CDH20: variants seen among roughly 807,000 people sequenced by gnomAD.
CDH20 encodes the protein cadherin 20.
Under a neutral mutation model 74.2 loss-of-function variants are expected in CDH20, and 29 were observed. The ratio of observed to expected loss-of-function variants is 0.39; its 90% confidence interval spans 0.29 to 0.53. The LOEUF is 0.53. CDH20 is among the 20% of genes least tolerant of loss of function. CDH20 has a pLI of 0.69. For synonymous variants in CDH20, 469 were observed against 405.4 expected, an observed-to-expected ratio of 1.16 and a Z score of -1.88; for missense variants, 988 against 1,048.3, an observed-to-expected ratio of 0.94 and a Z score of 0.79.
intron 1 of CDH20, among the ~76,000 whole-genome samples, chr18:61,342,966 C>T (rs1235146238): frequency 1.3e-5 from 2 of 152,118 alleles, no homozygotes; most frequent in East Asian, 3.9e-4. Context: ...CAGGGGATTG[C>T]CATGTTTATA....
At chr18:61,441,757 C>T (rs184525198) in intron 1 of CDH20, among the ~76,000 whole-genome samples, 2 of 152,174 alleles carry the variant, frequency 1.3e-5, no homozygotes, top group East Asian at 3.9e-4. Context: ...AGTAAAGGTT[C>T]TTTTTCATTT....
rs1449356386 is a variant in CDH20 at position 61,538,608 on chromosome 18, G to GTTTTTTTTTTTTTTTTTTTTTT, written c.1409-411_1409-410insTTTTTTTTTTTTTTTTTTTTTT. 1.6e-3 allele frequency among the ~76,000 whole-genome samples: 59 copies of GTTTTTTTTTTTTTTTTTTTTTT among 36,322 alleles called. 8 individuals are homozygous for GTTTTTTTTTTTTTTTTTTTTTT. The highest frequency in any genetic ancestry group is 2.8e-3 in the Non-Finnish European group (46 of 16,560). 23.8% of individuals were successfully genotyped at this position (36,322 alleles called of 152,430 possible). On this transcript the variant is annotated intron_variant, in intron 8 of 11. Transcript: ENST00000262717. The stretch of plus-strand genomic sequence containing the variant: ...TGTTTGTTTGTTTGTTTTTGTTTTT[G>GTTTTTTTTTTTTTTTTTTTTTT]TTTTTGTTTTTGTTTTGTTTTTTTT...
intron 1 of CDH20, among the ~76,000 whole-genome samples, chr18:61,457,796 G>C (rs902976279): frequency 6.6e-6 from 1 of 152,070 alleles, no homozygotes; most frequent in African/African-American, 2.4e-5. Flanking sequence ...TTAAAACAGA[G>C]AAAGCTGAGA....
At chr18:61,475,885 G>T (rs1261513234) in intron 1 of CDH20, among the ~76,000 whole-genome samples, 1 of 152,128 alleles carries the variant, frequency 6.6e-6, no homozygotes, top group Non-Finnish European at 1.5e-5. Flanking sequence ...GACTAAACTT[G>T]TTCTGTTTTT....
Position 61,507,456 on chromosome 18 carries a change from A to G in CDH20, c.913A>G (p.Ile305Val), listed in dbSNP as rs370667089. ...RVFAKDLDEG[I>V]NAEMKYTIVD... Reference sequence around the variant, plus strand: ...GTTTGCCAAGGACTTGGATGAAGGCATCAATGCAGAGATGAAATATACTAT... The same window carrying G: ...GTTTGCCAAGGACTTGGATGAAGGCGTCAATGCAGAGATGAAATATACTAT... Residue 305 changes from isoleucine to valine, a missense_variant, in exon 6 of 12, where the codon ATC becomes GTC. Coordinates refer to ENST00000262717, the MANE Select transcript of CDH20 (RefSeq NM_031891.4). 1.5e-5 allele frequency: 24 copies of G among 1,613,984 alleles called. No individual in the cohort carries two copies. The African/African-American group carries it at 3.1e-4, about 21-fold the overall frequency.
chr18:61,509,731 A>G (rs560010), intron 6 of CDH20, among the ~76,000 whole-genome samples: 150,570 of 152,270 alleles, frequency 0.99, 74,469 homozygotes, highest in Middle Eastern at 1. Flanking sequence ...TTTAAGGAGA[A>G]AAGGACAGAA....
intron 1 of CDH20, among the ~76,000 whole-genome samples, chr18:61,469,236 T>C (rs1910072958): frequency 6.6e-6 from 1 of 152,122 alleles, no homozygotes; most frequent in South Asian, 2.1e-4. Flanking sequence ...TTGCTCTGGC[T>C]GGTTATTTCC....
intron 1 of CDH20, among the ~76,000 whole-genome samples, chr18:61,467,223 CAT>C (rs1354352015): frequency 2.6e-5 from 4 of 152,130 alleles, no homozygotes; most frequent in Admixed American, 1.3e-4. Flanking sequence ...TCATTAGAAT[CAT>C]GTGCAAATTG....
At chr18:61,426,820 G>A (rs1312182871) in intron 1 of CDH20, among the ~76,000 whole-genome samples, 1 of 152,214 alleles carries the variant, frequency 6.6e-6, no homozygotes, top group Non-Finnish European at 1.5e-5. Flanking sequence ...TTGTTAAGCA[G>A]CAGAGCCTGT....
chr18:61,550,543 C>T (rs143169335), intron 11 of CDH20, among the ~76,000 whole-genome samples: 5 of 152,326 alleles, frequency 3.3e-5, no homozygotes, highest in Admixed American at 3.3e-4. Context: ...AAAGCAGGTT[C>T]ATTTTGACAT....
chr18:61,460,385 G>C (rs1215057243), intron 1 of CDH20, among the ~76,000 whole-genome samples: 3 of 152,150 alleles, frequency 2.0e-5, no homozygotes, highest in African/African-American at 7.2e-5. Flanking sequence ...CAGACTTTAT[G>C]ATAAATTTCA....
At chr18:61,462,727 G>C (rs1268287146) in intron 1 of CDH20, among the ~76,000 whole-genome samples, 8 of 143,592 alleles carry the variant, frequency 5.6e-5, no homozygotes, top group South Asian at 2.3e-4. Context: ...AAAAAAAAGG[G>C]GGGGGGGGCA....
intron 4 of CDH20, among the ~76,000 whole-genome samples, 168 bp downstream of exon 4, chr18:61,500,670 G>A (rs986007585): frequency 1.3e-5 from 2 of 152,164 alleles, no homozygotes; most frequent in African/African-American, 4.8e-5. Context: ...TGCCCTGACA[G>A]GTAAGAGCAG....
intron 1 of CDH20, among the ~76,000 whole-genome samples, chr18:61,414,364 T>C (rs1422153565): frequency 1.5e-4 from 23 of 152,178 alleles, no homozygotes; most frequent in Non-Finnish European, 4.4e-5. Flanking sequence ...ATCTCAGCCA[T>C]GTGAATGTAT....
rs566347269 is a variant in CDH20, at chr18:61,374,324, T to C, written c.-153+40497T>C. Among the ~76,000 whole-genome samples, 15 of 152,198 alleles carry C rather than the reference T, an allele frequency of 9.9e-5. No individual in the cohort carries two copies. The East Asian group carries it at 2.9e-3, about 29-fold the overall frequency. On this transcript the variant is annotated intron_variant, in intron 1 of 11. Coordinates refer to ENST00000262717, the MANE Select transcript of CDH20 (RefSeq NM_031891.4). ...TTCTCCAAAATTTAAAGAAACAATCTTCCCCAAATGAGGGGAAATTTCTGT... is the reference window on the plus strand; with the variant it reads ...TTCTCCAAAATTTAAAGAAACAATCCTCCCCAAATGAGGGGAAATTTCTGT...
intron 1 of CDH20, among the ~76,000 whole-genome samples, chr18:61,372,099 T>C (rs62098069): frequency 0.043 from 6,503 of 152,188 alleles, 220 homozygotes; most frequent in South Asian, 0.15. Context: ...ACACAATATG[T>C]GTGTATGTAA....
chr18:61,427,032 T>C (rs899106454), intron 1 of CDH20, among the ~76,000 whole-genome samples: 4 of 151,598 alleles, frequency 2.6e-5, no homozygotes, highest in African/African-American at 7.3e-5. Context: ...CAGAACAGAG[T>C]GAGGGGCAAG....
Position 61,490,587 on chromosome 18 carries a change from A to T in CDH20, c.34A>T (p.Asn12Tyr). 1 of 1,614,188 alleles carries T rather than the reference A, an allele frequency of 6.2e-7. No individual in the cohort carries two copies. The highest frequency in any genetic ancestry group is 1.3e-5 in the African/African-American group (1 of 75,060). Residue 12 changes from asparagine (N) to tyrosine (Y), a missense_variant, in exon 2 of 12, where the codon AAC becomes TAC. Transcript: ENST00000262717. Reference sequence around the variant, plus strand: ...TTCTGGTAGAATGAGCAATGCAAAGAACTGGCTTGGACTTGGCATGTCCTT... The same window carrying T: ...TTCTGGTAGAATGAGCAATGCAAAGTACTGGCTTGGACTTGGCATGTCCTT... ...WTSGRMSNAK[N>Y]WLGLGMSLYF...
chr18:61,542,005 C>G (rs1178139600), intron 9 of CDH20, among the ~76,000 whole-genome samples: 2 of 152,184 alleles, frequency 1.3e-5, no homozygotes, highest in African/African-American at 4.8e-5. Flanking sequence ...CTTTAAAGCC[C>G]TGTAAGCAAC....
Sources: allele counts gnomAD v4.1 joint callset (sites outside exome capture counted in the v4.1 genomes callset), GRCh38; gene constraint gnomAD v4.1.1; transcripts MANE v1.5; gene names NCBI Gene and HGNC (gene_info 2026-07-23, HGNC 2026-07-21).